The following WNK2 variants were observed in gnomAD, a reference collection of about 807,000 sequenced individuals.
WNK2 encodes serine/threonine-protein kinase WNK2.
Under a neutral mutation model 192.1 loss-of-function variants are expected in WNK2, and 67 were observed. The ratio of observed to expected loss-of-function variants is 0.35; its 90% CI spans 0.29 to 0.43. The LOEUF is 0.43. WNK2 is among the 20% of genes least tolerant of loss of function. The pLI, the probability that WNK2 is intolerant of heterozygous loss-of-function variation, is 1.00. For missense variants in WNK2, 2,698 were observed against 3,089.7 expected (o/e 0.87, Z 3.01); for synonymous variants, 1,439 against 1,393.9 (o/e 1.03, Z -0.72).
At chr9:93,199,342 C>T (rs1564280011) in intron 2 of WNK2, among the ~76,000 whole-genome samples, 1 of 152,142 alleles carries the variant, frequency 6.6e-6, no homozygotes, top group South Asian at 2.1e-4. Flanking sequence ...TGGTGACCTC[C>T]TACCTTAGCC....
chr9:93,305,595 A>T (rs984028776), intron 26 of WNK2, among the ~76,000 whole-genome samples: 3 of 152,228 alleles, frequency 2.0e-5, no homozygotes, highest in African/African-American at 7.2e-5. Context: ...GACTAAAAAT[A>T]GTTGAGCTAG....
At position 93,261,870 on chromosome 9, in the gene WNK2, C is replaced by T. The variant is rs201034686; in HGVS notation, c.3123C>T (p.Thr1041=). The change falls in exon 13 of 30, where the codon ACC becomes ACT. Residue 1041 remains threonine (T), a synonymous_variant. Coordinates refer to ENST00000427277, the MANE Select transcript of WNK2 (RefSeq NM_006648.4). ...TGGACGTCGCCGCTCAGGTCCCCAC[C>T]GTGCCTGTGCCACCGGCTGCGGTCC... ...YAVDVAAQVP[T]VPVPPAAVLS... 2.3e-5 allele frequency: 37 copies of T among 1,600,732 alleles called. No individual in the cohort carries two copies. The highest frequency in any genetic ancestry group is 6.7e-5 in the Admixed American group (4 of 59,972).
chr9:93,312,824 C>T (rs1375565416), intron 28 of WNK2, among the ~76,000 whole-genome samples: 1 of 152,178 alleles, frequency 6.6e-6, no homozygotes, highest in Non-Finnish European at 1.5e-5. Flanking sequence ...GCTCTCCTCT[C>T]CTGTGACTCC....
Position 93,257,330 on chromosome 9 carries a change from C to T in WNK2, c.2382+191C>T, listed in dbSNP as rs1333959266. On this transcript the variant is annotated intron_variant, in intron 11 of 29. Transcript: ENST00000427277. The surrounding 1 kb of genome is among the most constrained non-coding windows in gnomAD (Gnocchi z 4.7). ...TGTGCACAGTCATATGCACCAGGAA[C>T]GCTCCAGGGTCCCACACAACCAGCC... Among the ~76,000 whole-genome samples the T allele has an allele frequency of 9.2e-5, 14 of 152,134 alleles. No homozygotes were observed. The highest frequency in any genetic ancestry group is 2.1e-4 in the South Asian group (1 of 4,824).
rs1554748302 is a variant in WNK2 at position 93,300,019 on chromosome 9, C to T, written c.6116-32C>T. 3 of 1,590,986 alleles carry T rather than the reference C, an allele frequency of 1.9e-6. No individual in the cohort carries two copies. In the Admixed American group the frequency reaches 5.0e-5, roughly 27 times the overall value. On this transcript the variant is annotated intron_variant, in intron 25 of 29. Coordinates refer to ENST00000427277, the MANE Select transcript of WNK2 (RefSeq NM_006648.4). ...AGCAACCTGTACTTGATGAGTGTCT[C>T]TTTGTTTTCTTCCCTTTATATTCAT... is the stretch of plus-strand genomic sequence containing the variant.
chr9:93,268,703 G>A lies in WNK2; in HGVS notation c.3990G>A (p.Ser1330=), dbSNP rs151228355. 7.1e-4 allele frequency: 1,150 copies of A among 1,613,192 alleles called. 7 individuals are homozygous for A. The African/African-American group carries it at 0.014, about 20-fold the overall frequency. ...EHPAPEAPES[S]PPLPLSSLPP... Reference sequence around the variant, plus strand: ...CCGCCCCCGAGGCCCCTGAATCTTCGCCCCCACTTCCTCTAAGCTCCCTGC... The same window carrying A: ...CCGCCCCCGAGGCCCCTGAATCTTCACCCCCACTTCCTCTAAGCTCCCTGC... The change falls in exon 19 of 30, where the codon TCG becomes TCA. Residue 1330 remains serine (S), a synonymous_variant. Transcript: ENST00000427277.
At chr9:93,185,885 T>C (rs879914963) in intron 2 of WNK2, among the ~76,000 whole-genome samples, 2 of 152,170 alleles carry the variant, frequency 1.3e-5, no homozygotes, top group Non-Finnish European at 2.9e-5. Context: ...GTGCACGCTG[T>C]GGGCGTAGAG....
In WNK2 at chr9:93,319,372, G is replaced by C. The variant is rs915994586; in HGVS notation, c.6629-995G>C. ...GCGGGTGCTGGGCTGGGCTGTCCCC[G>C]GCAGGGGTCTGAGAGCAGGGCATCT... On this transcript the variant is annotated intron_variant, in intron 29 of 29. Transcript: ENST00000427277. The C allele has an allele frequency of 3.0e-6, 3 of 985,280 alleles. No homozygotes were observed. The Admixed American group carries it at 1.8e-4, about 61-fold the overall frequency. The allele number at this position is 985,280 out of a possible 1,614,324, so 61.0% of individuals were successfully genotyped here. A position where few individuals can be genotyped will look rare whatever the true frequency, so the allele number is the denominator to read the frequency against.
At chr9:93,293,214 C>A in intron 23 of WNK2, 41 bp downstream of exon 23, 1 of 1,404,596 alleles carries the variant, frequency 7.1e-7, no homozygotes, top group Non-Finnish European at 9.2e-7. Flanking sequence ...CGCCCCTGGG[C>A]CATGGCACCC....
At position 93,293,084 on chromosome 9, in the gene WNK2, C is replaced by G; in HGVS notation, c.5619C>G (p.Phe1873Leu). The G allele has an allele frequency of 1.9e-6, 3 of 1,608,614 alleles. No homozygotes were observed. The highest frequency in any genetic ancestry group is 2.5e-6 in the Non-Finnish European group (3 of 1,177,878). Residue 1873 changes from phenylalanine to leucine, a missense_variant, in exon 23 of 30, where the codon TTC (phenylalanine) becomes TTG (leucine). This residue lies in a region of WNK2 where 1,098 missense variants were observed against 1,101.0 expected (regional missense o/e 1.00). Transcript: ENST00000427277. ...TCCCCACGATCAGCGTGACCTCCTT[C>G]CATTCCCAGTCGTCCTACATCAGCA... ...MKVPTISVTS[F>L]HSQSSYISSD...
intron 2 of WNK2, among the ~76,000 whole-genome samples, chr9:93,189,075 CAT>C (rs1310561048): frequency 6.6e-6 from 1 of 152,228 alleles, no homozygotes; most frequent in African/African-American, 2.4e-5. Flanking sequence ...GTTGAGAAAA[CAT>C]AGCCAACTCA....
chr9:93,208,819 A>C (rs1218207170), intron 2 of WNK2, among the ~76,000 whole-genome samples: 1 of 6,042 alleles, frequency 1.7e-4, no homozygotes, highest in African/African-American at 3.3e-4. Context: ...GTGTATGTGC[A>C]TGTTCTTCGT....
At position 93,229,610 on chromosome 9, in the gene WNK2, C is replaced by A; in HGVS notation, c.682-86C>A. 1 of 1,464,654 alleles carries A rather than the reference C, an allele frequency of 6.8e-7. No homozygotes were observed. The allele number at this position is 1,464,654 out of a possible 1,614,324, so 90.7% of individuals were successfully genotyped here. A position where few individuals can be genotyped will look rare whatever the true frequency, so the allele number is the denominator to read the frequency against. On this transcript the variant is annotated intron_variant, in intron 2 of 29. Coordinates refer to ENST00000427277, the MANE Select transcript of WNK2 (RefSeq NM_006648.4). This position sits in a 1 kb window ranked among gnomAD's most constrained non-coding sequence, Gnocchi z 4.9. ...GTGGGTATGGGAAGGGCTGGTCCTA[C>A]TGTGTGGCGCTGCTGGGATGTGACG...
chr9:93,306,087 G>T (rs1852477299), intron 26 of WNK2, among the ~76,000 whole-genome samples: 1 of 152,200 alleles, frequency 6.6e-6, no homozygotes, highest in Non-Finnish European at 1.5e-5. Context: ...GTTTAGTGGT[G>T]GTCCCAGTTA....
chr9:93,246,008 A>G (rs1268661028), intron 7 of WNK2, among the ~76,000 whole-genome samples: 2 of 152,134 alleles, frequency 1.3e-5, no homozygotes, highest in Non-Finnish European at 2.9e-5. Context: ...CAGAGGAGAA[A>G]CGGAGGGAGA....
rs754565876 is a variant in WNK2 at position 93,262,060 on chromosome 9, G to A, written c.3313G>A (p.Ala1105Thr). Residue 1105 changes from alanine to threonine, a missense_variant, in exon 13 of 30, where the codon GCC becomes ACC. By Grantham distance (58) the Ala-to-Thr change is moderately conservative (BLOSUM62 0). Coordinates refer to ENST00000427277, the MANE Select transcript of WNK2 (RefSeq NM_006648.4). ...NPPLPGGPGI[A>T]SPCPTVQLTV... is the part of the protein sequence containing the mutation. ...ACCGCTGCCTGGCGGGCCCGGGATC[G>A]CCAGCCCTTGCCCAACTGTCCAGCT... 72 of 1,608,980 alleles carry A rather than the reference G, an allele frequency of 4.5e-5. No individual in the cohort carries two copies. The highest frequency in any genetic ancestry group is 9.4e-5 in the African/African-American group (7 of 74,858).
At chr9:93,230,525 C>A (rs1053064789) in intron 3 of WNK2, among the ~76,000 whole-genome samples, 4 of 152,186 alleles carry the variant, frequency 2.6e-5, no homozygotes, top group Non-Finnish European at 5.9e-5. Flanking sequence ...CCTTTCGTAA[C>A]CCTCACCCCC....
intron 2 of WNK2, among the ~76,000 whole-genome samples, chr9:93,186,065 C>T (rs527372897): frequency 6.6e-6 from 1 of 152,258 alleles, no homozygotes; most frequent in African/African-American, 2.4e-5. Context: ...GGGCTCTGGG[C>T]TGCCCATAAA....
At chr9:93,267,978 T>G in intron 17 of WNK2, 42 bp from the exon 18 acceptor site, 2 of 1,606,354 alleles carry the variant, frequency 1.2e-6, no homozygotes, top group Non-Finnish European at 1.7e-6. Flanking sequence ...AGGTGGGCGC[T>G]GCAGCTCAGT....
Sources: gnomAD v4.1 joint callset for allele counts (sites outside exome capture counted in the v4.1 genomes callset) on GRCh38, gnomAD v4.1.1 for gene constraint, gnomAD v4.1.1 regional missense constraint, Gnocchi (gnomAD v3.1) non-coding constraint, MANE v1.5 for transcripts, NCBI Gene and HGNC (gene_info 2026-07-23, HGNC 2026-07-21) for gene names.